DDX46: variants seen among roughly 807,000 people sequenced by gnomAD.
DDX46 encodes probable ATP-dependent RNA helicase DDX46.
Under a neutral mutation model 134.9 loss-of-function variants are expected in DDX46, and 30 were observed. The observed-to-expected ratio is 0.22, with a 90% CI of 0.17 to 0.30. DDX46 has a LOEUF of 0.30. Among genes scored for constraint, DDX46 ranks in the 10% least tolerant of loss-of-function variants. DDX46 has a pLI of 1.00. For missense variants in DDX46, 622 were observed against 1,248.7 expected (o/e 0.50, Z 7.56); for synonymous variants, 415 against 404.1 (o/e 1.03, Z -0.32).
chr5:134,817,773 A>G, intron 20 of DDX46, 59 bp downstream of exon 20: 1 of 1,426,140 alleles, frequency 7.0e-7, no homozygotes, highest in Non-Finnish European at 9.6e-7. Flanking sequence ...TTTGGAGGAA[A>G]AATCTCATCT....
intron 17 of DDX46, 46 bp downstream of exon 17, chr5:134,811,404 C>G: frequency 6.3e-7 from 1 of 1,574,992 alleles, no homozygotes; most frequent in Non-Finnish European, 8.6e-7. Flanking sequence ...ATTAATGTGA[C>G]TAAACCTTGA....
At chr5:134,812,303 G>A (rs1224332738) in intron 18 of DDX46, among the ~76,000 whole-genome samples, 1 of 151,962 alleles carries the variant, frequency 6.6e-6, no homozygotes, top group African/African-American at 2.4e-5. Context: ...GACCTCAAGT[G>A]ATCCGCTTTC....
chr5:134,769,259 A>G (rs866003116), intron 3 of DDX46, among the ~76,000 whole-genome samples: 6 of 149,762 alleles, frequency 4.0e-5, no homozygotes, highest in Non-Finnish European at 7.4e-5. Context: ...CTTGGGTTGA[A>G]TTTCCAAATA....
intron 11 of DDX46, among the ~76,000 whole-genome samples, chr5:134,787,550 A>G (rs912769735): frequency 6.6e-6 from 1 of 152,146 alleles, no homozygotes; most frequent in African/African-American, 2.4e-5. Context: ...AAATTACTTC[A>G]TTTTCTAAGT....
intron 14 of DDX46, 39 bp from the exon 15 acceptor site, chr5:134,795,949 T>A: frequency 1.3e-6 from 2 of 1,587,316 alleles, no homozygotes; most frequent in Middle Eastern, 1.7e-4. Context: ...TCCATTTGCA[T>A]TTTCACTTCA....
intron 2 of DDX46, 26 bp from the exon 3 acceptor site, chr5:134,766,891 A>G: frequency 2.5e-6 from 4 of 1,599,612 alleles, no homozygotes; most frequent in Non-Finnish European, 3.4e-6. Context: ...TGGTCATAGA[A>G]TAAATGAAAA....
intron 1 of DDX46, among the ~76,000 whole-genome samples, chr5:134,761,557 A>G (rs1753387086): frequency 6.6e-6 from 1 of 152,202 alleles, no homozygotes; most frequent in South Asian, 2.1e-4. Context: ...GTACACTAAT[A>G]GCTGTCCAGT....
At chr5:134,784,563 T>C (rs781676723) in intron 10 of DDX46, 22 bp downstream of exon 10, 1 of 1,557,378 alleles carries the variant, frequency 6.4e-7, no homozygotes, top group Non-Finnish European at 8.7e-7. Context: ...TTCATTAAAC[T>C]ATTTTTCAAA....
rs1357472176 is a variant in DDX46 at position 134,766,977 on chromosome 5, C to T, written c.267C>T (p.Asp89=). The T allele has an allele frequency of 1.2e-6, 2 of 1,614,042 alleles. No homozygotes were observed. The highest frequency in any genetic ancestry group is 2.7e-5 in the African/African-American group (2 of 74,922). Residue 89 remains aspartate (D), a synonymous_variant, in exon 3 of 23, where the codon GAC becomes GAT. Transcript: ENST00000452510. ...SRERRRSRSR[D]RRRSRSRSRG... is the part of the protein sequence containing the mutation. ...AGCGAAGAAGATCTCGAAGTAGAGA[C>T]AGGAGACGCTCAAGGAGTAGAAGCC...
intron 14 of DDX46, 116 bp from the exon 15 acceptor site, chr5:134,795,872 G>A: frequency 1.0e-6 from 1 of 958,476 alleles, no homozygotes; most frequent in South Asian, 1.8e-5. Context: ...CCTAGCCCTT[G>A]GTAAAGATAT....
chr5:134,777,854 G>A, intron 6 of DDX46, 129 bp downstream of exon 6: 1 of 1,154,870 alleles, frequency 8.7e-7, no homozygotes, highest in Middle Eastern at 2.3e-4. Context: ...CTGAGAGATG[G>A]CAGTACTTTT....
At chr5:134,771,510 GTGAAACCCTGTCT>G (rs1298163885) in intron 4 of DDX46, among the ~76,000 whole-genome samples, 1 of 147,454 alleles carries the variant, frequency 6.8e-6, no homozygotes, top group African/African-American at 2.5e-5. Context: ...GGCTAACATG[GTGAAACCCTGTCT>G]CTACTAAAAA....
chr5:134,821,668 T>C (rs1173779579), intron 21 of DDX46, among the ~76,000 whole-genome samples: 3 of 151,486 alleles, frequency 2.0e-5, no homozygotes, highest in Non-Finnish European at 4.4e-5. Context: ...GCGGTTCTAT[T>C]GCCTCAGCCT....
At position 134,811,386 on chromosome 5, in the gene DDX46, T is replaced by C. The variant is rs537351608; in HGVS notation, c.2286+28T>C. Reference sequence around the variant, plus strand: ...GAGTTTTTAACCCATGTTACTCTTCTAGAAATCATTAATGTGACTAAACCT... The same window carrying C: ...GAGTTTTTAACCCATGTTACTCTTCCAGAAATCATTAATGTGACTAAACCT... On this transcript the variant is annotated intron_variant, in intron 17 of 22. Transcript: ENST00000452510. The C allele has an allele frequency of 3.5e-5, 56 of 1,606,736 alleles. No individual in the cohort carries two copies. The South Asian group carries it at 6.1e-4, about 17-fold the overall frequency.
At chr5:134,813,317 T>C (rs941115394) in intron 18 of DDX46, among the ~76,000 whole-genome samples, 8 of 152,362 alleles carry the variant, frequency 5.3e-5, no homozygotes, top group African/African-American at 1.4e-4. Context: ...TAAACACTTA[T>C]TATCACATAG....
intron 3 of DDX46, among the ~76,000 whole-genome samples, chr5:134,768,178 C>T (rs1042998573): frequency 1.3e-5 from 2 of 151,078 alleles, no homozygotes; most frequent in Non-Finnish European, 2.9e-5. Flanking sequence ...GGTGCAATCT[C>T]GGCTCACTGC....
At chr5:134,777,809 G>T (rs755923288) in intron 6 of DDX46, 84 bp downstream of exon 6, 2 of 1,459,936 alleles carry the variant, frequency 1.4e-6, no homozygotes, top group South Asian at 1.5e-5. Flanking sequence ...TGATTGGCAT[G>T]ACTTTGTAAA....
chr5:134,818,175 T>C (rs149760451), intron 20 of DDX46, among the ~76,000 whole-genome samples: 2 of 151,884 alleles, frequency 1.3e-5, no homozygotes, highest in African/African-American at 4.8e-5. Context: ...TTCAGTCTGG[T>C]CTCGAACTCC....
intron 5 of DDX46, among the ~76,000 whole-genome samples, chr5:134,776,405 G>A (rs202042333): frequency 6.6e-6 from 1 of 150,852 alleles, no homozygotes; most frequent in Non-Finnish European, 1.5e-5. Context: ...AAAAAAAAAA[G>A]AATTACGAGA....
Sources: allele counts gnomAD v4.1 joint callset (sites outside exome capture counted in the v4.1 genomes callset), GRCh38; gene constraint gnomAD v4.1.1; transcripts MANE v1.5; gene names NCBI Gene and HGNC (gene_info 2026-07-23, HGNC 2026-07-21).